The following ALK variants were observed in gnomAD, a reference collection of about 807,000 sequenced individuals.
ALK encodes ALK receptor tyrosine kinase, also known as ALK tyrosine kinase receptor.
Under a neutral mutation model 163.1 loss-of-function variants are expected in ALK, and 74 were observed. The ratio of observed to expected loss-of-function variants is 0.45; its 90% CI spans 0.38 to 0.55. The LOEUF (loss-of-function observed/expected upper bound fraction) is 0.55, where lower values mean the gene tolerates loss of function less well. Among genes scored for constraint, ALK ranks in the 20% least tolerant of loss-of-function variants. The probability of loss-of-function intolerance (pLI) is 0.00; values close to 1 mark genes in which losing one functional copy is unlikely to be tolerated. For synonymous variants in ALK, 960 were observed against 843.2 expected (o/e 1.14, Z -2.40); for missense variants, 2,063 against 2,105.3 (o/e 0.98, Z 0.39).
intron 1 of ALK, among the ~76,000 whole-genome samples, chr2:29,891,560 C>T (rs966919876): frequency 1.3e-5 from 2 of 152,190 alleles, no homozygotes; most frequent in Non-Finnish European, 2.9e-5. Flanking sequence ...CACTCTATCC[C>T]ATCTCATTTA....
At chr2:29,480,476 T>G (rs976692752) in intron 4 of ALK, among the ~76,000 whole-genome samples, 6 of 152,174 alleles carry the variant, frequency 3.9e-5, no homozygotes, top group Admixed American at 2.6e-4. Context: ...GAGGTGTGAA[T>G]CTTTTCAGAG....
intron 11 of ALK, among the ~76,000 whole-genome samples, chr2:29,272,185 G>GGAGAGAGAGAGAGA (rs57649688): frequency 2.1e-5 from 3 of 145,144 alleles, no homozygotes; most frequent in African/African-American, 5.0e-5. Flanking sequence ...GTCGGGTGAG[G>GGAGAGAGAGAGAGA]GAGAGAGAGA....
chr2:29,818,395 C>T (rs569015870), intron 1 of ALK, among the ~76,000 whole-genome samples: 1 of 152,334 alleles, frequency 6.6e-6, no homozygotes, highest in South Asian at 2.1e-4. Context: ...ATCACGCTCT[C>T]TGGGCAGGCC....
intron 1 of ALK, among the ~76,000 whole-genome samples, chr2:29,816,400 T>C (rs984010647): frequency 6.6e-6 from 1 of 152,194 alleles, no homozygotes; most frequent in African/African-American, 2.4e-5. Flanking sequence ...TGAAAGTGCT[T>C]TGTAAACAGT....
intron 3 of ALK, among the ~76,000 whole-genome samples, chr2:29,677,266 CTCCCCTCCCA>C (rs1677907631): frequency 3.0e-5 from 4 of 131,182 alleles, no homozygotes; most frequent in Admixed American, 7.6e-5. Flanking sequence ...CTCCCCTCCC[CTCCCCTCCCA>C]TCCCCTCCCC....
At position 29,426,244 on chromosome 2, in the gene ALK, G is replaced by A. The variant is rs144678333; in HGVS notation, c.1155-42385C>T. Among the ~76,000 whole-genome samples, 596 of 152,212 alleles carry A rather than the reference G, an allele frequency of 3.9e-3. 5 individuals are homozygous for A. Among genetic ancestry groups the A allele is most frequent in the African/African-American group, 0.014 (571 of 41,534 alleles). Reference sequence around the variant, plus strand: ...AGAATGACATGAAAGGCTTCCCACTGCAGGGAAATAGACTACACTAAAGCC... The same window carrying A: ...AGAATGACATGAAAGGCTTCCCACTACAGGGAAATAGACTACACTAAAGCC... On this transcript the variant is annotated intron_variant, in intron 4 of 28. Coordinates refer to ENST00000389048, the MANE Select transcript of ALK (RefSeq NM_004304.5).
At chr2:29,662,176 T>C (rs551026681) in intron 3 of ALK, among the ~76,000 whole-genome samples, 227 of 152,196 alleles carry the variant, frequency 1.5e-3, no homozygotes, top group African/African-American at 5.1e-3. Flanking sequence ...CCTCCCAAAG[T>C]GCTAAGATTA....
At chr2:29,353,885 C>T (rs1484017836) in intron 5 of ALK, among the ~76,000 whole-genome samples, 2 of 152,154 alleles carry the variant, frequency 1.3e-5, no homozygotes, top group African/African-American at 4.8e-5. Context: ...ATAAGGAAAA[C>T]CTTGGTACTT....
intron 2 of ALK, among the ~76,000 whole-genome samples, chr2:29,702,400 G>A (rs1053300436): frequency 1.3e-5 from 2 of 152,218 alleles, no homozygotes; most frequent in Admixed American, 6.5e-5. Context: ...GAGCCAGAGT[G>A]TCTTCGCTAT....
chr2:29,841,118 T>C (rs1665686808), intron 1 of ALK, among the ~76,000 whole-genome samples: 1 of 152,162 alleles, frequency 6.6e-6, no homozygotes. Context: ...GTGGTTTCTA[T>C]CAGTTATAGT....
At chr2:29,340,437 A>T (rs1309545497) in intron 5 of ALK, among the ~76,000 whole-genome samples, 2 of 152,176 alleles carry the variant, frequency 1.3e-5, no homozygotes, top group Non-Finnish European at 2.9e-5. Context: ...ACCTCCAATG[A>T]AGGGAGCCGG....
intron 8 of ALK, among the ~76,000 whole-genome samples, chr2:29,316,094 C>T (rs1292806019): frequency 6.6e-6 from 1 of 152,110 alleles, no homozygotes; most frequent in Non-Finnish European, 1.5e-5. Flanking sequence ...GGGGTTTAGC[C>T]CGCCCGGGAG....
chr2:29,487,343 A>AC (rs749643246), intron 4 of ALK, among the ~76,000 whole-genome samples: 35 of 152,196 alleles, frequency 2.3e-4, no homozygotes, highest in Non-Finnish European at 4.0e-4. Context: ...GAACCCCCAT[A>AC]CCCCCAGACA....
chr2:29,576,335 T>G (rs1331078117), intron 3 of ALK, among the ~76,000 whole-genome samples: 2 of 152,204 alleles, frequency 1.3e-5, no homozygotes, highest in Non-Finnish European at 1.5e-5. Context: ...TCCTGCCTCC[T>G]CTAGGGCCAT....
At chr2:29,352,394 G>A (rs920936749) in intron 5 of ALK, among the ~76,000 whole-genome samples, 4 of 152,222 alleles carry the variant, frequency 2.6e-5, no homozygotes, top group East Asian at 1.9e-4. Context: ...CTAGGGCCAC[G>A]TGGTCACGAA....
chr2:29,517,228 C>T (rs1472047169), intron 4 of ALK, among the ~76,000 whole-genome samples: 4 of 152,120 alleles, frequency 2.6e-5, no homozygotes, highest in African/African-American at 9.7e-5. Flanking sequence ...AGAAGTGACC[C>T]TCAGGAACGG....
intron 5 of ALK, among the ~76,000 whole-genome samples, chr2:29,375,643 C>A (rs187983969): frequency 0.013 from 1,953 of 152,200 alleles, 24 homozygotes; most frequent in Non-Finnish European, 0.02. Context: ...GACAAAAAAA[C>A]CCCACAAAAA....
chr2:29,795,831 T>C (rs888701217), intron 1 of ALK, among the ~76,000 whole-genome samples: 1 of 152,180 alleles, frequency 6.6e-6, no homozygotes, highest in Admixed American at 6.6e-5. Flanking sequence ...TTTTCAATTA[T>C]TTGAAAAATA....
At chr2:29,789,450 T>C (rs1490391079) in intron 1 of ALK, among the ~76,000 whole-genome samples, 1 of 152,250 alleles carries the variant, frequency 6.6e-6, no homozygotes, top group African/African-American at 2.4e-5. Context: ...TTGACTGGCT[T>C]GGCAGAGTCA....
Sources: allele counts gnomAD v4.1 joint callset (sites outside exome capture counted in the v4.1 genomes callset), GRCh38; gene constraint gnomAD v4.1.1; transcripts MANE v1.5; gene names NCBI Gene and HGNC (gene_info 2026-07-23, HGNC 2026-07-21).